LRBA: variants seen among roughly 807,000 people sequenced by gnomAD.
LRBA encodes lipopolysaccharide-responsive and beige-like anchor protein.
A neutral mutation model predicts 330.0 loss-of-function variants in LRBA; 176 were observed. That is an observed-to-expected ratio of 0.53 (90% CI 0.47 to 0.60). LRBA has a LOEUF of 0.60. Ranked by LOEUF, LRBA falls within the 20% of genes least tolerant of loss-of-function variation. LRBA has a pLI of 0.00. For synonymous variants in LRBA, 1,230 were observed against 1,193.0 expected, an observed-to-expected ratio of 1.03 and a Z score of -0.64; for missense variants, 3,259 against 3,444.8, an observed-to-expected ratio of 0.95 and a Z score of 1.35.
intron 44 of LRBA, among the ~76,000 whole-genome samples, chr4:150,450,752 T>A (rs1236474869): frequency 6.6e-6 from 1 of 152,064 alleles, no homozygotes; most frequent in Admixed American, 6.6e-5. Flanking sequence ...AACAGAACTT[T>A]GGTGAGGTGG....
intron 47 of LRBA, among the ~76,000 whole-genome samples, chr4:150,385,362 A>T (rs1742910279): frequency 6.6e-6 from 1 of 152,212 alleles, no homozygotes; most frequent in Non-Finnish European, 1.5e-5. Context: ...CGAATAGACC[A>T]GTCATAAAAA....
chr4:150,624,367 C>CAAAATA (rs1322510854), intron 37 of LRBA, among the ~76,000 whole-genome samples: 56 of 150,646 alleles, frequency 3.7e-4, no homozygotes, highest in Non-Finnish European at 6.8e-4. Flanking sequence ...GACTCTGTCT[C>CAAAATA]AAAATAAAAA....
At chr4:150,349,570 AC>A (rs760170752) in intron 48 of LRBA, among the ~76,000 whole-genome samples, 1 of 151,914 alleles carries the variant, frequency 6.6e-6, no homozygotes, top group Non-Finnish European at 1.5e-5. Context: ...TTGGACTTCA[AC>A]CCCCCCATTA....
At chr4:150,417,386 T>C (rs1747933906) in intron 46 of LRBA, among the ~76,000 whole-genome samples, 1 of 152,194 alleles carries the variant, frequency 6.6e-6, no homozygotes, top group Admixed American at 6.5e-5. Context: ...TATGTTATTT[T>C]CACTTCATAA....
intron 40 of LRBA, among the ~76,000 whole-genome samples, chr4:150,501,981 T>C (rs6856287): frequency 0.065 from 9,967 of 152,234 alleles, 527 homozygotes; most frequent in East Asian, 0.18. Context: ...TAGAACGTAA[T>C]GGTCTCCTGC....
intron 28 of LRBA, among the ~76,000 whole-genome samples, chr4:150,839,249 A>G (rs903862331): frequency 3.3e-5 from 5 of 152,188 alleles, no homozygotes; most frequent in African/African-American, 1.2e-4. Context: ...CAGGTGCTGG[A>G]GAGGATGTGG....
intron 32 of LRBA, among the ~76,000 whole-genome samples, chr4:150,807,993 T>C (rs1743051477): frequency 6.6e-6 from 1 of 152,170 alleles, no homozygotes; most frequent in African/African-American, 2.4e-5. Context: ...TTCCACACTT[T>C]CAATTTGCAA....
At chr4:150,373,263 G>GA (rs1165663888) in intron 47 of LRBA, among the ~76,000 whole-genome samples, 38 of 144,008 alleles carry the variant, frequency 2.6e-4, no homozygotes, top group African/African-American at 8.4e-4. Flanking sequence ...GAGACTATGA[G>GA]AAAAAAAAAA....
chr4:150,861,029 C>T (rs1751853732), intron 22 of LRBA, among the ~76,000 whole-genome samples: 1 of 152,026 alleles, frequency 6.6e-6, no homozygotes, highest in African/African-American at 2.4e-5. Flanking sequence ...TAGCTTATTA[C>T]TGTACAGAAG....
chr4:150,631,363 G>A (rs770885067), intron 37 of LRBA, among the ~76,000 whole-genome samples: 6 of 152,080 alleles, frequency 3.9e-5, no homozygotes, highest in Non-Finnish European at 8.8e-5. Flanking sequence ...TTGTTTCTCG[G>A]AATGAGAGTA....
chr4:150,913,323 T>C (rs2149485262), intron 9 of LRBA, among the ~76,000 whole-genome samples: 1 of 152,196 alleles, frequency 6.6e-6, no homozygotes, highest in Non-Finnish European at 1.5e-5. Context: ...CAAAATTAGC[T>C]GGGTGCAGTG....
rs373460238 is a variant in LRBA at position 150,908,326 on chromosome 4, G to A, written c.1493+8C>T. 48 of 1,603,914 alleles carry A rather than the reference G, an allele frequency of 3.0e-5. No individual in the cohort carries two copies. The highest frequency in any genetic ancestry group is 3.7e-5 in the Non-Finnish European group (44 of 1,177,770). The stretch of plus-strand genomic sequence containing the variant: ...CAGCCAATTAAAGAAACAAATAAAG[G>A]CACTCACCATATAGTCAAATCAATC... On this transcript the variant is annotated splice_region_variant and intron_variant, in intron 11 of 56. Coordinates refer to ENST00000651943, the MANE Select transcript of LRBA (RefSeq NM_001364905.1).
chr4:150,283,394 T>C (rs1034022673), intron 54 of LRBA, among the ~76,000 whole-genome samples: 1 of 152,116 alleles, frequency 6.6e-6, no homozygotes, highest in Non-Finnish European at 1.5e-5. Flanking sequence ...TTCTGTTGAG[T>C]ACCTGCTGCA....
chr4:150,374,634 A>G (rs1740959615), intron 47 of LRBA, among the ~76,000 whole-genome samples: 1 of 152,244 alleles, frequency 6.6e-6, no homozygotes, highest in Non-Finnish European at 1.5e-5. Flanking sequence ...TGATGCTAAA[A>G]GGAAATGCTT....
At position 150,870,525 on chromosome 4, in the gene LRBA, G is replaced by A. The variant is rs1345661967; in HGVS notation, c.2449C>T (p.Gln817Ter). ...TTGTTAAAGTATATAAAATACATAC[G>A]AGGGTTTTGTATCTTCACTGAAGAA... Reference protein sequence around the residue: ...PDSSVKIQNPQILKVIATLLR... With the variant: ...PDSSVKIQNP Residue 817 changes from glutamine to a stop codon, truncating the protein, a stop_gained and splice_region_variant, in exon 20 of 57, where the codon CAG (glutamine) becomes TAG (stop). Transcript: ENST00000651943. LOFTEE classifies it high-confidence loss of function. 2.6e-6 allele frequency: 4 copies of A among 1,541,076 alleles called. No individual in the cohort carries two copies. Among genetic ancestry groups the A allele is most frequent in the Admixed American group, 1.7e-5 (1 of 59,790 alleles).
chr4:150,801,723 A>G (rs1037639122), intron 33 of LRBA, among the ~76,000 whole-genome samples: 5 of 152,178 alleles, frequency 3.3e-5, no homozygotes, highest in African/African-American at 1.2e-4. Flanking sequence ...ACTAAGCACA[A>G]TGAAGTCCTT....
At chr4:150,578,536 A>G (rs532594690) in intron 40 of LRBA, among the ~76,000 whole-genome samples, 1 of 152,232 alleles carries the variant, frequency 6.6e-6, no homozygotes, top group Admixed American at 6.5e-5. Flanking sequence ...TAAAAATAGG[A>G]TGTAATGAGT....
chr4:150,720,997 G>C (rs1436057660), intron 36 of LRBA: 5 of 521,250 alleles, frequency 9.6e-6, no homozygotes, highest in Middle Eastern at 6.0e-4. Flanking sequence ...CAGAAAGAGG[G>C]AGATGTTAGA....
At chr4:150,414,195 A>G (rs1259257254) in intron 47 of LRBA, among the ~76,000 whole-genome samples, 1 of 152,218 alleles carries the variant, frequency 6.6e-6, no homozygotes, top group Non-Finnish European at 1.5e-5. Context: ...AAGGTCCCAC[A>G]ATCAGCAATG....
Sources: gnomAD v4.1 joint callset for allele counts (sites outside exome capture counted in the v4.1 genomes callset) on GRCh38, gnomAD v4.1.1 for gene constraint, MANE v1.5 for transcripts, NCBI Gene and HGNC (gene_info 2026-07-23, HGNC 2026-07-21) for gene names.